The following GFOD1 variants were observed in gnomAD, a reference collection of about 807,000 sequenced individuals.
GFOD1 encodes Gfo/Idh/MocA-like oxidoreductase domain containing 1.
Under a neutral mutation model 25.4 loss-of-function variants are expected in GFOD1, and 9 were observed. That is an observed-to-expected ratio of 0.35 (90% CI 0.21 to 0.62). The LOEUF is 0.62. Among genes scored for constraint, GFOD1 ranks in the 20% least tolerant of loss-of-function variants. GFOD1 has a pLI of 0.72. For missense variants in GFOD1, 403 were observed against 556.9 expected (o/e 0.72, Z 2.78); for synonymous variants, 253 against 245.6 (o/e 1.03, Z -0.28).
chr6:13,366,574 TC>T (rs1248133289), intron 1 of GFOD1, among the ~76,000 whole-genome samples: 6 of 152,228 alleles, frequency 3.9e-5, no homozygotes, highest in African/African-American at 1.4e-4. Context: ...GACCTCATGA[TC>T]CGCCCACCTC....
chr6:13,458,757 C>A (rs1314055163), intron 1 of GFOD1, among the ~76,000 whole-genome samples: 27 of 57,236 alleles, frequency 4.7e-4, no homozygotes, highest in East Asian at 7.5e-4. Context: ...TCCCCTTGAG[C>A]AAAAAAAAAA....
chr6:13,412,781 C>A (rs1786101284), intron 1 of GFOD1, among the ~76,000 whole-genome samples: 1 of 152,208 alleles, frequency 6.6e-6, no homozygotes, highest in South Asian at 2.1e-4. Flanking sequence ...GAGCACTTCC[C>A]CCGCCCTCCT....
At chr6:13,394,443 A>G (rs935912014) in intron 1 of GFOD1, among the ~76,000 whole-genome samples, 1 of 139,858 alleles carries the variant, frequency 7.2e-6, no homozygotes, top group Non-Finnish European at 1.5e-5. Flanking sequence ...GCTTTTCAGC[A>G]TATCTGCTTT....
intron 1 of GFOD1, among the ~76,000 whole-genome samples, chr6:13,404,086 A>G (rs1168624786): frequency 6.6e-6 from 1 of 152,274 alleles, no homozygotes; most frequent in East Asian, 1.9e-4. Context: ...GTTTGAAATC[A>G]GCCTAATTTT....
intron 1 of GFOD1, among the ~76,000 whole-genome samples, chr6:13,415,012 A>G (rs1200443869): frequency 6.6e-6 from 1 of 152,194 alleles, no homozygotes; most frequent in Non-Finnish European, 1.5e-5. Context: ...GAAGGGAATT[A>G]GGCACCAATG....
rs1257936101 is a variant in GFOD1, at chr6:13,359,936, ACT to A, written c.*4805_*4806del. ...ACTCCAGCCTGGGTGACAGAGTAAG[ACT>A]CTGTCTCAAAAAAAAAAAAAAAAGG... On this transcript the variant is annotated 3_prime_UTR_variant, in exon 2 of 2. Transcript: ENST00000379287. 1 of 137,010 alleles carries A rather than the reference ACT, an allele frequency of 7.3e-6. No individual in the cohort carries two copies. The highest frequency in any genetic ancestry group is 1.5e-5 in the Non-Finnish European group (1 of 66,458). 8.5% of individuals were successfully genotyped at this position (137,010 alleles called of 1,614,324 possible).
chr6:13,386,851 G>A (rs987110009), intron 1 of GFOD1, among the ~76,000 whole-genome samples: 2 of 152,220 alleles, frequency 1.3e-5, no homozygotes, highest in South Asian at 2.1e-4. Context: ...GAGGAACACC[G>A]GCCCTACAGG....
At chr6:13,395,793 C>T (rs777954741) in intron 1 of GFOD1, among the ~76,000 whole-genome samples, 32 of 152,186 alleles carry the variant, frequency 2.1e-4, no homozygotes, top group Non-Finnish European at 4.3e-4. Flanking sequence ...GCCACTCCAC[C>T]GTGCACCAGT....
intron 1 of GFOD1, among the ~76,000 whole-genome samples, chr6:13,392,455 T>C (rs1023471842): frequency 6.6e-6 from 1 of 152,016 alleles, no homozygotes; most frequent in Admixed American, 6.6e-5. Flanking sequence ...TTGTTCTTAA[T>C]TACTTTTTTT....
chr6:13,373,070 G>A (rs1311569240), intron 1 of GFOD1, among the ~76,000 whole-genome samples: 1 of 152,176 alleles, frequency 6.6e-6, no homozygotes, highest in Non-Finnish European at 1.5e-5. Flanking sequence ...TTTATACTTT[G>A]TTCCTTCAAC....
chr6:13,467,811 A>G (rs1758403748), intron 1 of GFOD1, among the ~76,000 whole-genome samples: 1 of 152,204 alleles, frequency 6.6e-6, no homozygotes, highest in Non-Finnish European at 1.5e-5. Flanking sequence ...GTTTCTCCCC[A>G]AATTCAGAGT....
intron 1 of GFOD1, among the ~76,000 whole-genome samples, chr6:13,399,060 G>T (rs1785792260): frequency 6.6e-6 from 1 of 152,128 alleles, no homozygotes; most frequent in Non-Finnish European, 1.5e-5. Flanking sequence ...TGTTACCCAG[G>T]CTGGAGTGCA....
Position 13,365,004 on chromosome 6 carries a change from G to A in GFOD1, c.912C>T (p.Arg304=). The change falls in exon 2 of 2, where the codon CGC becomes CGT. Residue 304 remains arginine (R), a synonymous_variant. Coordinates refer to ENST00000379287, the MANE Select transcript of GFOD1 (RefSeq NM_018988.4). This position sits in a 1 kb window ranked among gnomAD's most constrained non-coding sequence, Gnocchi z 9.2. ...AFSDIPSPYL[R]GTIKMMQAVR... The stretch of plus-strand genomic sequence containing the variant: ...CCGCCTGCATCATCTTGATGGTGCC[G>A]CGCAGGTAGGGCGAGGGGATGTCGC... The A allele has an allele frequency of 1.9e-6, 3 of 1,610,310 alleles. No individual in the cohort carries two copies. The highest frequency in any genetic ancestry group is 1.7e-4 in the Middle Eastern group (1 of 6,054).
intron 1 of GFOD1, among the ~76,000 whole-genome samples, chr6:13,415,510 G>T (rs1786149108): frequency 6.6e-6 from 1 of 152,192 alleles, no homozygotes; most frequent in Non-Finnish European, 1.5e-5. Flanking sequence ...GCACGGTCCA[G>T]ACCTGGGGGT....
chr6:13,447,249 T>C (rs935910133), intron 1 of GFOD1, among the ~76,000 whole-genome samples: 1 of 152,184 alleles, frequency 6.6e-6, no homozygotes, highest in African/African-American at 2.4e-5. Context: ...GCCTCTCTCC[T>C]ATCTCTTGGT....
intron 1 of GFOD1, among the ~76,000 whole-genome samples, chr6:13,451,049 G>A (rs1020827324): frequency 5.9e-5 from 9 of 152,176 alleles, no homozygotes; most frequent in Admixed American, 2.6e-4. Context: ...CTCTGGGCTG[G>A]CCCCATGTGA....
intron 1 of GFOD1, among the ~76,000 whole-genome samples, chr6:13,420,512 G>C (rs752186180): frequency 2.6e-5 from 4 of 152,216 alleles, no homozygotes; most frequent in Non-Finnish European, 4.4e-5. Flanking sequence ...AGGGGAAAGA[G>C]AAAAGCTGTC....
chr6:13,421,775 G>C (rs925119305), intron 1 of GFOD1, among the ~76,000 whole-genome samples: 1 of 152,150 alleles, frequency 6.6e-6, no homozygotes, highest in East Asian at 1.9e-4. Flanking sequence ...ATCACAGAAG[G>C]GACTGTTGAG....
intron 1 of GFOD1, among the ~76,000 whole-genome samples, chr6:13,422,292 T>C (rs770848914): frequency 2.8e-4 from 42 of 152,154 alleles, no homozygotes; most frequent in Non-Finnish European, 5.3e-4. Flanking sequence ...CTAAAACACA[T>C]GCTGTCCGAA....
Sources: allele counts gnomAD v4.1 joint callset (sites outside exome capture counted in the v4.1 genomes callset), GRCh38; gene constraint gnomAD v4.1.1; non-coding constraint Gnocchi (gnomAD v3.1); transcripts MANE v1.5; gene names NCBI Gene and HGNC (gene_info 2026-07-23, HGNC 2026-07-21).